POLA1: variants seen among roughly 807,000 people sequenced by gnomAD.
POLA1 encodes the protein DNA polymerase alpha catalytic subunit.
POLA1 carries 15 observed loss-of-function variants against 124.0 expected under a neutral mutation model. That is an observed-to-expected ratio of 0.12 (90% CI 0.08 to 0.19). The LOEUF (loss-of-function observed/expected upper bound fraction) is 0.19, where lower values mean the gene tolerates loss of function less well. Ranked by LOEUF, POLA1 falls within the 10% of genes least tolerant of loss-of-function variation. The pLI, the probability that POLA1 is intolerant of heterozygous loss-of-function variation, is 1.00. For missense variants in POLA1, 886 were observed against 1,103.4 expected, an observed-to-expected ratio of 0.80 and a Z score of 2.79; for synonymous variants, 408 against 389.4, an observed-to-expected ratio of 1.05 and a Z score of -0.56.
In POLA1 at chrX:24,846,417, G is replaced by C. The variant is rs138298176; in HGVS notation, c.4047+2740G>C. On this transcript the variant is annotated intron_variant, in intron 34 of 36. Coordinates refer to ENST00000379068, the MANE Select transcript of POLA1 (RefSeq NM_001330360.2). ...TTGTCTTGAGATTTGATGAAGTGTT[G>C]AAAGACTTCGAGGTAGCACAGAAAG... Among the ~76,000 whole-genome samples, 100 of 111,879 alleles carry C rather than the reference G, an allele frequency of 8.9e-4. 1 individual carries two copies. In the East Asian group the frequency reaches 0.026, roughly 29 times the overall value.
intron 11 of POLA1, among the ~76,000 whole-genome samples, 153 bp from the exon 12 acceptor site, chrX:24,724,182 G>A (rs890521032): frequency 1.8e-5 from 2 of 112,258 alleles, no homozygotes; most frequent in African/African-American, 6.5e-5. Flanking sequence ...TTTTGGGTCT[G>A]TTTGTATCTT....
chrX:24,896,050 C>A (rs1365949215), intron 35 of POLA1, among the ~76,000 whole-genome samples: 1 of 111,844 alleles, frequency 8.9e-6, no homozygotes, highest in Non-Finnish European at 1.9e-5. Context: ...AATCCCAGTG[C>A]TCCCTAATCA....
chrX:24,826,638 A>T, intron 32 of POLA1, 37 bp downstream of exon 32: 1 of 966,221 alleles, frequency 1.0e-6, no homozygotes, highest in Non-Finnish European at 1.5e-6. Flanking sequence ...CTCACATGGT[A>T]ACAGGGGCAC....
chrX:24,766,407 G>A (rs1467064039), intron 26 of POLA1, among the ~76,000 whole-genome samples: 2 of 112,014 alleles, frequency 1.8e-5, no homozygotes, highest in African/African-American at 6.5e-5. Context: ...GGTATTTGTT[G>A]AATTAAGTCA....
chrX:24,943,186 T>G (rs1254734213), intron 36 of POLA1, among the ~76,000 whole-genome samples: 2 of 112,717 alleles, frequency 1.8e-5, no homozygotes, highest in African/African-American at 3.2e-5. Flanking sequence ...ATTTACATAC[T>G]GTGATATATC....
chrX:24,713,518 C>T (rs954084474), intron 4 of POLA1, among the ~76,000 whole-genome samples: 4 of 111,019 alleles, frequency 3.6e-5, no homozygotes, highest in African/African-American at 9.9e-5. Flanking sequence ...GGGGTTCAAG[C>T]GATTTCCCTG....
intron 30 of POLA1, among the ~76,000 whole-genome samples, chrX:24,817,878 G>A (rs2046019518): frequency 9.1e-6 from 1 of 109,469 alleles, no homozygotes; most frequent in South Asian, 4.0e-4. Context: ...GCTTCGAAAG[G>A]AGAGTGGAAT....
At position 24,735,401 on chromosome X, in the gene POLA1, T is replaced by C. The variant is rs1931213957; in HGVS notation, c.1836T>C (p.Asn612=). 2 of 1,182,195 alleles carry C rather than the reference T, an allele frequency of 1.7e-6. No individual in the cohort carries two copies. Among genetic ancestry groups the C allele is most frequent in the South Asian group, 1.8e-5 (1 of 56,263 alleles). Residue 612 remains asparagine (N), a splice_region_variant and synonymous_variant, in exon 18 of 37, where the codon AAT becomes AAC. Coordinates refer to ENST00000379068, the MANE Select transcript of POLA1 (RefSeq NM_001330360.2). ...YAFKEVIEKK[N]VKVEVAATER... ...ACTGGTGTGTTTTTATCTAACAGAATGTGAAGGTTGAGGTTGCTGCAACAG... is the reference window on the plus strand; with the variant it reads ...ACTGGTGTGTTTTTATCTAACAGAACGTGAAGGTTGAGGTTGCTGCAACAG...
chrX:24,790,265 A>T (rs1244356814), intron 26 of POLA1, among the ~76,000 whole-genome samples: 1 of 112,165 alleles, frequency 8.9e-6, no homozygotes, highest in Non-Finnish European at 1.9e-5. Context: ...AGGAGGTTTA[A>T]AGTTTAGAGT....
intron 26 of POLA1, among the ~76,000 whole-genome samples, chrX:24,787,597 T>C (rs2045391425): frequency 8.9e-6 from 1 of 111,877 alleles, no homozygotes; most frequent in Admixed American, 9.5e-5. Flanking sequence ...GCCAGTACCA[T>C]ATTGTTTTGA....
At chrX:24,750,923 A>C (rs1292245650) in intron 26 of POLA1, among the ~76,000 whole-genome samples, 1 of 111,703 alleles carries the variant, frequency 9.0e-6, no homozygotes, top group Non-Finnish European at 1.9e-5. Flanking sequence ...GGCTAGTTGA[A>C]GTGAGGGAAG....
intron 36 of POLA1, among the ~76,000 whole-genome samples, chrX:24,953,550 C>G (rs916331332): frequency 3.6e-5 from 4 of 111,921 alleles, no homozygotes; most frequent in African/African-American, 1.3e-4. Context: ...ACCAGGGGAA[C>G]AACCAGAGGA....
At position 24,799,864 on chromosome X, in the gene POLA1, T is replaced by C. The variant is rs748128630; in HGVS notation, c.2965-10034T>C. On this transcript the variant is annotated intron_variant, in intron 26 of 36. Coordinates refer to ENST00000379068, the MANE Select transcript of POLA1 (RefSeq NM_001330360.2). ...TACTATAAGCCCTTTTCATTTCCAC[T>C]GAGGCCTGGTGCATGCTTGATCCCA... 2.7e-5 allele frequency among the ~76,000 whole-genome samples: 3 copies of C among 112,027 alleles called. No individual in the cohort carries two copies. In the East Asian group the frequency reaches 8.4e-4, roughly 31 times the overall value.
intron 34 of POLA1, among the ~76,000 whole-genome samples, chrX:24,856,212 T>C (rs2046643122): frequency 8.9e-6 from 1 of 112,093 alleles, no homozygotes; most frequent in Non-Finnish European, 1.9e-5. Flanking sequence ...CACACCCTCC[T>C]TCCCACTCCT....
chrX:24,839,536 C>T (rs1264648495), intron 32 of POLA1, among the ~76,000 whole-genome samples: 1 of 111,879 alleles, frequency 8.9e-6, no homozygotes, highest in African/African-American at 3.3e-5. Context: ...CAGGCTGTCC[C>T]GGGTCAGTGC....
chrX:24,971,446 T>C (rs1325871784), intron 36 of POLA1, among the ~76,000 whole-genome samples: 1 of 112,688 alleles, frequency 8.9e-6, no homozygotes, highest in African/African-American at 3.2e-5. Flanking sequence ...TACCAGGGTA[T>C]ATTCAGATTG....
intron 34 of POLA1, among the ~76,000 whole-genome samples, chrX:24,875,061 G>A (rs1290164766): frequency 1.8e-5 from 2 of 111,003 alleles, no homozygotes; most frequent in Non-Finnish European, 3.8e-5. Context: ...GCAATCACTC[G>A]TAGATGAGCC....
At chrX:24,810,884 T>TACAC in intron 28 of POLA1, 84 bp downstream of exon 28, 1 of 485,277 alleles carries the variant, frequency 2.1e-6, no homozygotes, top group Non-Finnish European at 3.6e-6. Flanking sequence ...TTCATGTGTA[T>TACAC]ATGAATGTGT....
Position 24,930,645 on chromosome X carries a change from A to T in POLA1, c.4261+96A>T. 4 of 576,942 alleles carry T rather than the reference A, an allele frequency of 6.9e-6. No individual in the cohort carries two copies. In the East Asian group the frequency reaches 1.4e-4, roughly 21 times the overall value. 47.5% of individuals were successfully genotyped at this position (576,942 alleles called of 1,213,427 possible). A position where few individuals can be genotyped will look rare whatever the true frequency, so the allele number is the denominator to read the frequency against. On this transcript the variant is annotated intron_variant, in intron 36 of 36. Coordinates refer to ENST00000379068, the MANE Select transcript of POLA1 (RefSeq NM_001330360.2). ...TGTCAGGCTGTTCATGCAGCATCAC[A>T]TTGCTGTCTCAGAAGCAGGCCGTGG...
Sources: gnomAD v4.1 joint callset for allele counts (sites outside exome capture counted in the v4.1 genomes callset) on GRCh38, gnomAD v4.1.1 for gene constraint, MANE v1.5 for transcripts, NCBI Gene and HGNC (gene_info 2026-07-23, HGNC 2026-07-21) for gene names.